The following DMXL2 variants were observed in gnomAD, a reference collection of about 807,000 sequenced individuals.
DMXL2 encodes the protein Dmx like 2, also known as dmX-like protein 2.
DMXL2 carries 103 observed loss-of-function variants against 331.1 expected under a neutral mutation model. The ratio of observed to expected loss-of-function variants is 0.31; its 90% CI spans 0.27 to 0.37. The LOEUF is 0.37. Ranked by LOEUF, DMXL2 falls within the 10% of genes least tolerant of loss-of-function variation. The pLI is 1.00. For missense variants in DMXL2, 3,171 were observed against 3,642.9 expected (o/e 0.87, Z 3.33); for synonymous variants, 1,281 against 1,252.1 (o/e 1.02, Z -0.49).
intron 20 of DMXL2, 22 bp downstream of exon 20, chr15:51,491,556 A>T (rs562390432): frequency 3.2e-6 from 5 of 1,575,660 alleles, no homozygotes; most frequent in Non-Finnish European, 4.3e-6. Context: ...ATATAACTCA[A>T]AATCCACTAA....
chr15:51,580,766 C>A, intron 1 of DMXL2, among the ~76,000 whole-genome samples: 1 of 151,246 alleles, frequency 6.6e-6, no homozygotes, highest in South Asian at 2.1e-4. Context: ...ATTCACAGCT[C>A]AGAGATAATT....
chr15:51,535,675 G>A lies in DMXL2; in HGVS notation c.2424C>T (p.Asp808=), dbSNP rs2048249010. Residue 808 remains aspartate, a synonymous_variant, in exon 13 of 44, where the codon GAC becomes GAT. Transcript: ENST00000560891. ...ATTAAATACTTACTGAAGATTCTGGGTCTGACAATTCATCTAATAATTTCC... is the reference window on the plus strand; with the variant it reads ...ATTAAATACTTACTGAAGATTCTGGATCTGACAATTCATCTAATAATTTCC... ...DARKLLDELS[D]PESSKLIGEV... is the part of the protein sequence containing the mutation. 4.4e-6 allele frequency: 7 copies of A among 1,599,260 alleles called. No homozygotes were observed. In the East Asian group the frequency reaches 1.3e-4, roughly 31 times the overall value.
In DMXL2 at chr15:51,536,766, T is replaced by G; in HGVS notation, c.1714A>C (p.Lys572Gln). The change falls in exon 12 of 44, where the codon AAA becomes CAA. Residue 572 changes from lysine to glutamine, a missense_variant. Lys to Gln is a moderately conservative substitution (Grantham distance 53). Transcript: ENST00000560891. ...IMMYACINAT[K>Q]DSHHTLLHQE... ...TGTAACAGCGTGTGGTGAGAATCTT[T>G]TGTCGCATTTATACAGGCATACATC... 6.2e-7 allele frequency: 1 copy of G among 1,614,046 alleles called. No homozygotes were observed. The highest frequency in any genetic ancestry group is 1.1e-5 in the South Asian group (1 of 91,076).
intron 1 of DMXL2, among the ~76,000 whole-genome samples, chr15:51,621,872 C>A (rs142269101): frequency 5.9e-5 from 9 of 152,234 alleles, no homozygotes; most frequent in African/African-American, 2.2e-4. Context: ...ATCTTTCGGG[C>A]GCGGAGGATG....
At chr15:51,575,107 A>G (rs1272934443) in intron 2 of DMXL2, among the ~76,000 whole-genome samples, 1 of 152,214 alleles carries the variant, frequency 6.6e-6, no homozygotes, top group African/African-American at 2.4e-5. Context: ...GTGTTTCAAT[A>G]CTAGGTCAAA....
intron 1 of DMXL2, among the ~76,000 whole-genome samples, chr15:51,620,229 C>A (rs2054541867): frequency 6.6e-6 from 1 of 152,040 alleles, no homozygotes; most frequent in Admixed American, 6.5e-5. Flanking sequence ...ATTTCTAGTT[C>A]ATGGCAAAAT....
Position 51,596,096 on chromosome 15 carries a change from T to C in DMXL2, c.88-19915A>G, listed in dbSNP as rs986380643. ...GGATCTAATTAAACTAAAGAGCTTCTGCACAGCAAAAGAAACTACCATCAG... is the reference window on the plus strand; with the variant it reads ...GGATCTAATTAAACTAAAGAGCTTCCGCACAGCAAAAGAAACTACCATCAG... On this transcript the variant is annotated intron_variant, in intron 1 of 43. Transcript: ENST00000560891. Among the ~76,000 whole-genome samples the C allele has an allele frequency of 2.0e-4, 31 of 152,150 alleles. 1 individual carries two copies. The highest frequency in any genetic ancestry group is 1.7e-3 in the Admixed American group (26 of 15,272).
intron 10 of DMXL2, among the ~76,000 whole-genome samples, chr15:51,537,971 T>C (rs954071220): frequency 2.0e-5 from 3 of 152,238 alleles, no homozygotes; most frequent in Non-Finnish European, 4.4e-5. Context: ...TCATTATTAC[T>C]ACCATTTAGC....
intron 42 of DMXL2, among the ~76,000 whole-genome samples, chr15:51,451,023 T>C (rs185556636): frequency 6.3e-4 from 96 of 152,260 alleles, no homozygotes; most frequent in Non-Finnish European, 1.2e-3. Context: ...TGGTACTATG[T>C]GGAAGACAGA....
chr15:51,482,799 T>A (rs1013433520), intron 23 of DMXL2, among the ~76,000 whole-genome samples: 1 of 152,182 alleles, frequency 6.6e-6, no homozygotes, highest in African/African-American at 2.4e-5. Flanking sequence ...ACCAAGAGAA[T>A]GATGCCAGCA....
At chr15:51,552,315 A>C (rs1193947945) in intron 6 of DMXL2, among the ~76,000 whole-genome samples, 1 of 152,154 alleles carries the variant, frequency 6.6e-6, no homozygotes, top group Non-Finnish European at 1.5e-5. Flanking sequence ...CAATCAGAGG[A>C]TGTTTGCAGG....
At chr15:51,488,337 G>A (rs2042550467) in intron 21 of DMXL2, among the ~76,000 whole-genome samples, 1 of 152,098 alleles carries the variant, frequency 6.6e-6, no homozygotes, top group Non-Finnish European at 1.5e-5. Flanking sequence ...TTTTTACTTT[G>A]CAAAGTGCTT....
intron 3 of DMXL2, chr15:51,567,414 A>C (rs1472094550): frequency 6.6e-6 from 1 of 152,154 alleles, no homozygotes; most frequent in Non-Finnish European, 1.5e-5. Context: ...CCTTTAGATA[A>C]CATTTTACAT....
intron 43 of DMXL2, among the ~76,000 whole-genome samples, chr15:51,449,814 G>A (rs1010290263): frequency 3.9e-5 from 6 of 152,096 alleles, no homozygotes; most frequent in Admixed American, 3.9e-4. Flanking sequence ...AGGGAGAGGG[G>A]AGAAGCTTCT....
chr15:51,485,431 A>C (rs1285013623), intron 23 of DMXL2, among the ~76,000 whole-genome samples: 1 of 152,276 alleles, frequency 6.6e-6, no homozygotes, highest in Admixed American at 6.5e-5. Context: ...TGGAGGAGGC[A>C]GACATAACAT....
At chr15:51,530,888 CA>C (rs2047963918) in intron 13 of DMXL2, among the ~76,000 whole-genome samples, 1 of 151,390 alleles carries the variant, frequency 6.6e-6, no homozygotes, top group Admixed American at 6.6e-5. Flanking sequence ...TTGAAGAGGA[CA>C]AAAAAAATGG....
rs773204034 is a variant in DMXL2, at chr15:51,499,142, A to T, written c.4082T>A (p.Val1361Glu). The change falls in exon 18 of 44, where the codon GTG (valine) becomes GAG (glutamate). Residue 1361 changes from valine (V) to glutamate (E), a missense_variant. Physicochemically the swap from Val to Glu is moderately radical, Grantham distance 121 (BLOSUM62 -2). This residue lies in a region of DMXL2 where 1,674 missense variants were observed against 1,780.2 expected (regional missense o/e 0.94). Coordinates refer to ENST00000560891, the MANE Select transcript of DMXL2 (RefSeq NM_001378457.1). ...AGAGAGAATGGCTTTAGCCCTTCGC[A>T]CTTTCCCTAAATCCATCAATTCTAA... Reference protein sequence around the residue: ...QLLELMDLGKVRRAKAILSHL... With the variant: ...QLLELMDLGKERRAKAILSHL... 4.3e-6 allele frequency: 7 copies of T among 1,614,138 alleles called. No homozygotes were observed. In the Admixed American group the frequency reaches 1.2e-4, roughly 27 times the overall value.
chr15:51,538,507 A>G (rs987560161), intron 9 of DMXL2, 55 bp from the exon 10 acceptor site: 19 of 1,354,952 alleles, frequency 1.4e-5, no homozygotes, highest in African/African-American at 3.0e-5. Context: ...TAAAAACATG[A>G]CAAGTGCTTA....
At chr15:51,511,133 G>C (rs952939592) in intron 15 of DMXL2, among the ~76,000 whole-genome samples, 1 of 152,124 alleles carries the variant, frequency 6.6e-6, no homozygotes. Context: ...GCAGGCATGG[G>C]CAAAGCCTTC....
Sources: allele counts gnomAD v4.1 joint callset (sites outside exome capture counted in the v4.1 genomes callset), GRCh38; gene constraint gnomAD v4.1.1; regional missense constraint gnomAD v4.1.1; transcripts MANE v1.5; gene names NCBI Gene and HGNC (gene_info 2026-07-23, HGNC 2026-07-21).